The following RAPGEF2 variants were observed in gnomAD, a reference collection of about 807,000 sequenced individuals.
RAPGEF2 encodes Rap guanine nucleotide exchange factor 2.
A neutral mutation model predicts 186.7 loss-of-function variants in RAPGEF2; 54 were observed. The observed-to-expected ratio is 0.29, with a 90% CI of 0.23 to 0.36. The LOEUF (loss-of-function observed/expected upper bound fraction) is 0.36, where lower values mean the gene tolerates loss of function less well. Ranked by LOEUF, RAPGEF2 falls within the 10% of genes least tolerant of loss-of-function variation. RAPGEF2 has a pLI of 1.00. For missense variants in RAPGEF2, 1,532 were observed against 2,045.0 expected, an observed-to-expected ratio of 0.75 and a Z score of 4.84; for synonymous variants, 712 against 705.9, an observed-to-expected ratio of 1.01 and a Z score of -0.14.
intron 1 of RAPGEF2, among the ~76,000 whole-genome samples, chr4:159,110,444 C>T (rs900320650): frequency 1.3e-5 from 2 of 152,010 alleles, no homozygotes. Context: ...AAAAAATTAG[C>T]CAGGTGCCTG....
chr4:159,286,934 G>A (rs1265661277), intron 7 of RAPGEF2, among the ~76,000 whole-genome samples: 1 of 152,144 alleles, frequency 6.6e-6, no homozygotes, highest in Non-Finnish European at 1.5e-5. Flanking sequence ...GTGAGAGTAT[G>A]TACCTCATCT....
chr4:159,298,911 TTA>T (rs1404077770), intron 7 of RAPGEF2, among the ~76,000 whole-genome samples: 58 of 152,218 alleles, frequency 3.8e-4, no homozygotes, highest in Non-Finnish European at 2.9e-5. Context: ...ACCCATTTAT[TTA>T]TTCAGTCCTC....
chr4:159,206,554 A>G (rs1012357956), intron 3 of RAPGEF2, among the ~76,000 whole-genome samples: 1 of 152,214 alleles, frequency 6.6e-6, no homozygotes, highest in South Asian at 2.1e-4. Context: ...TAAAAAAACC[A>G]TCACTTTCCC....
At chr4:159,350,080 G>C in intron 25 of RAPGEF2, 57 bp from the exon 26 acceptor site, 1 of 1,240,628 alleles carries the variant, frequency 8.1e-7, no homozygotes, top group Non-Finnish European at 1.1e-6. Flanking sequence ...ATTCATAAAT[G>C]GTGTTTATTT....
At chr4:159,213,542 A>T (rs149666856) in intron 4 of RAPGEF2, among the ~76,000 whole-genome samples, 1,549 of 152,354 alleles carry the variant, frequency 0.01, 15 homozygotes, top group Non-Finnish European at 0.014. Flanking sequence ...TTGTTTTGAC[A>T]CATGATTTCA....
At chr4:159,104,510 G>GAGAGAC (rs1737587971) in intron 1 of RAPGEF2, among the ~76,000 whole-genome samples, 1 of 129,686 alleles carries the variant, frequency 7.7e-6, no homozygotes, top group South Asian at 2.4e-4. Flanking sequence ...GAGAGAGAGA[G>GAGAGAC]AGAGAGAGAG....
chr4:159,267,791 C>CA (rs1757596150), intron 7 of RAPGEF2: 1 of 564,340 alleles, frequency 1.8e-6, no homozygotes. Context: ...TAGCTTTTTT[C>CA]TTTTTTTTTT....
intron 22 of RAPGEF2, among the ~76,000 whole-genome samples, 192 bp downstream of exon 22, chr4:159,343,596 G>T (rs528254826): frequency 6.6e-6 from 1 of 152,050 alleles, no homozygotes; most frequent in African/African-American, 2.4e-5. Flanking sequence ...GTGTTCTTTC[G>T]GCTGTCAGTA....
At chr4:159,303,559 T>TA (rs1306853487) in intron 7 of RAPGEF2, among the ~76,000 whole-genome samples, 3 of 152,076 alleles carry the variant, frequency 2.0e-5, no homozygotes, top group Non-Finnish European at 4.4e-5. Context: ...TTAAGAACCT[T>TA]ACATCTGTTT....
chr4:159,348,504 C>A (rs992714001), intron 25 of RAPGEF2, among the ~76,000 whole-genome samples: 17 of 152,236 alleles, frequency 1.1e-4, no homozygotes, highest in African/African-American at 3.4e-4. Context: ...GAACACCTTT[C>A]CTAGGTACAT....
intron 9 of RAPGEF2, among the ~76,000 whole-genome samples, chr4:159,318,576 T>C (rs949507509): frequency 2.0e-5 from 3 of 152,320 alleles, no homozygotes; most frequent in African/African-American, 7.2e-5. Flanking sequence ...ATTTCTTGGG[T>C]ATAGTTTTGT....
chr4:159,302,976 C>T (rs1164160486), intron 7 of RAPGEF2, among the ~76,000 whole-genome samples: 1 of 152,110 alleles, frequency 6.6e-6, no homozygotes, highest in Non-Finnish European at 1.5e-5. Context: ...ATTTATTTGG[C>T]ATCTAATTAT....
chr4:159,262,918 A>G (rs1429298630), intron 7 of RAPGEF2, among the ~76,000 whole-genome samples: 3 of 152,112 alleles, frequency 2.0e-5, no homozygotes, highest in Non-Finnish European at 4.4e-5. Flanking sequence ...GATACTGAAC[A>G]TGAACTCAAC....
Position 159,353,513 on chromosome 4 carries a change from G to A in RAPGEF2, c.4118G>A (p.Arg1373Gln), listed in dbSNP as rs1256835255. Reference protein sequence around the residue: ...LGSYAPMSEGRGLYATATVIS... With the variant: ...LGSYAPMSEGQGLYATATVIS... ...TCCTATGCACCAATGTCCGAGGGCC[G>A]AGGCTTATATGCTACAGCTACAGTA... is the stretch of plus-strand genomic sequence containing the variant. The change falls in exon 28 of 30, where the codon CGA becomes CAA. Residue 1373 changes from arginine to glutamine, a missense_variant. This residue lies in a region of RAPGEF2 where 594 missense variants were observed against 608.5 expected (regional missense o/e 0.98). Transcript: ENST00000691494. This position sits in a 1 kb window ranked among gnomAD's most constrained non-coding sequence, Gnocchi z 4.3. 2.7e-6 allele frequency: 4 copies of A among 1,499,818 alleles called. No homozygotes were observed. The highest frequency in any genetic ancestry group is 3.6e-6 in the Non-Finnish European group (4 of 1,126,286). The allele number at this position is 1,499,818 out of a possible 1,614,324, so 92.9% of individuals were successfully genotyped here.
At chr4:159,203,401 TGAG>T (rs1326363206) in intron 3 of RAPGEF2, among the ~76,000 whole-genome samples, 3 of 152,136 alleles carry the variant, frequency 2.0e-5, no homozygotes, top group African/African-American at 7.2e-5. Flanking sequence ...TAAAAACTAT[TGAG>T]GAGAAACTCC....
At chr4:159,178,666 TCCTGCCTCAGCCCCC>T (rs1746707860) in intron 1 of RAPGEF2, among the ~76,000 whole-genome samples, 1 of 149,904 alleles carries the variant, frequency 6.7e-6, no homozygotes, top group African/African-American at 2.5e-5. Context: ...CAAGCGATTC[TCCTGCCTCAGCCCCC>T]CAAGTAGCTG....
intron 13 of RAPGEF2, chr4:159,330,766 G>C: frequency 8.6e-6 from 3 of 349,304 alleles, no homozygotes; most frequent in Non-Finnish European, 1.5e-5. Context: ...ATTTTTTTAA[G>C]TTCTGTTGGG....
intron 6 of RAPGEF2, among the ~76,000 whole-genome samples, chr4:159,242,591 A>G (rs1041154705): frequency 6.6e-6 from 1 of 151,966 alleles, no homozygotes; most frequent in Non-Finnish European, 1.5e-5. Context: ...CATGGATTTC[A>G]TAGTTGAATC....
chr4:159,316,505 T>A (rs1230457336), intron 9 of RAPGEF2, among the ~76,000 whole-genome samples: 2 of 152,146 alleles, frequency 1.3e-5, no homozygotes, highest in Non-Finnish European at 2.9e-5. Context: ...TGTGTGTTGT[T>A]CCCCTCTGTG....
Sources: gnomAD v4.1 joint callset for allele counts (sites outside exome capture counted in the v4.1 genomes callset) on GRCh38, gnomAD v4.1.1 for gene constraint, gnomAD v4.1.1 regional missense constraint, Gnocchi (gnomAD v3.1) non-coding constraint, MANE v1.5 for transcripts, NCBI Gene and HGNC (gene_info 2026-07-23, HGNC 2026-07-21) for gene names.